Variants in UNKL observed in about 807,000 individuals in gnomAD.
UNKL encodes the protein putative E3 ubiquitin-protein ligase UNKL.
In UNKL, 60 loss-of-function variants were observed where a neutral mutation model predicts 78.0. The ratio of observed to expected loss-of-function variants is 0.77; its 90% CI spans 0.63 to 0.95. The LOEUF is 0.95. Ranked by LOEUF, UNKL falls within the 40% of genes least tolerant of loss-of-function variation. The pLI, the probability that UNKL is intolerant of heterozygous loss-of-function variation, is 0.00. For synonymous variants in UNKL, 608 were observed against 474.8 expected, an observed-to-expected ratio of 1.28 and a Z score of -3.65; for missense variants, 1,159 against 1,045.7, an observed-to-expected ratio of 1.11 and a Z score of -1.49.
intron 6 of UNKL, among the ~76,000 whole-genome samples, chr16:1,394,930 T>C (rs919616094): frequency 3.3e-5 from 5 of 152,190 alleles, no homozygotes; most frequent in African/African-American, 1.2e-4. Flanking sequence ...CAGGCTGGAG[T>C]GCAGTCGCAA....
chr16:1,401,671 G>GCCCAGCTGCAAGGC lies in UNKL; in HGVS notation c.494_495insGCCTTGCAGCTGGG (p.Asn165LysfsTer28). 1 of 1,611,626 alleles carries GCCCAGCTGCAAGGC rather than the reference G, an allele frequency of 6.2e-7. No homozygotes were observed. The highest frequency in any genetic ancestry group is 1.1e-5 in the South Asian group (1 of 90,980). On this transcript the variant is annotated frameshift_variant, in exon 4 of 15. Transcript: ENST00000389221. LOFTEE classifies it high-confidence loss of function. The stretch of plus-strand genomic sequence containing the variant: ...CCCCTTCCCCGCCGCCCAGCTGGCC[G>GCCCAGCTGCAAGGC]TTCTGCAAGGCTTCCTGGGCCTGCA...
At chr16:1,380,812 T>C (rs2036578818) in intron 10 of UNKL, among the ~76,000 whole-genome samples, 1 of 151,898 alleles carries the variant, frequency 6.6e-6, no homozygotes, top group Non-Finnish European at 1.5e-5. Flanking sequence ...GTAGCTGGGA[T>C]TACAGGAGCA....
chr16:1,406,399 G>A (rs1297531332), intron 2 of UNKL, among the ~76,000 whole-genome samples: 4 of 152,060 alleles, frequency 2.6e-5, no homozygotes, highest in Non-Finnish European at 5.9e-5. Context: ...ATTTAGTAGA[G>A]ACAGGGTTTC....
chr16:1,367,483 G>GCCCCC, intron 13 of UNKL, 134 bp from the exon 14 acceptor site: 4 of 568,654 alleles, frequency 7.0e-6, no homozygotes, highest in Middle Eastern at 4.7e-4. Flanking sequence ...GACCCCTGCG[G>GCCCCC]CCCTCCCTCC....
intron 10 of UNKL, among the ~76,000 whole-genome samples, chr16:1,381,897 T>C (rs1286824844): frequency 1.3e-5 from 2 of 152,182 alleles, no homozygotes; most frequent in African/African-American, 2.4e-5. Context: ...GCGAGCTGAC[T>C]GTACCACTGC....
rs759980308 is a variant in UNKL, at chr16:1,364,442, C to G, written c.*1798G>C. 6.6e-6 allele frequency: 1 copy of G among 152,220 alleles called. No individual in the cohort carries two copies. Among genetic ancestry groups the G allele is most frequent in the Non-Finnish European group, 1.5e-5 (1 of 68,046 alleles). 9.4% of individuals were successfully genotyped at this position (152,220 alleles called of 1,614,324 possible). On this transcript the variant is annotated 3_prime_UTR_variant, in exon 15 of 15. Coordinates refer to ENST00000389221, the MANE Select transcript of UNKL (RefSeq NM_001372107.1). ...CGGTCGGGGAGAAACACGTCGGTGC[C>G]GCTTCCCACTCGTGTGCCCTCACCA... is the stretch of plus-strand genomic sequence containing the variant.
rs940120116 is a variant in UNKL at position 1,379,795 on chromosome 16, C to T, written c.1264+5413G>A. 2.5e-4 allele frequency: 192 copies of T among 770,700 alleles called. No homozygotes were observed. In the African/African-American group the frequency reaches 3.5e-3, roughly 14 times the overall value. 47.7% of individuals were successfully genotyped at this position (770,700 alleles called of 1,614,324 possible). The stretch of plus-strand genomic sequence containing the variant: ...CGCTGCCCTCCCCCAACCTTCCCCC[C>T]GACTCGGGCGCACCCGGTCCCCGCG... On this transcript the variant is annotated intron_variant, in intron 10 of 14. Transcript: ENST00000389221.
intron 11 of UNKL, 107 bp downstream of exon 11, chr16:1,371,412 C>A: frequency 9.2e-7 from 1 of 1,087,256 alleles, no homozygotes; most frequent in Non-Finnish European, 1.3e-6. Flanking sequence ...GGTGCAACCT[C>A]AGCTCACTGC....
At chr16:1,393,712 A>G (rs1435425666) in intron 7 of UNKL, among the ~76,000 whole-genome samples, 2 of 151,622 alleles carry the variant, frequency 1.3e-5, no homozygotes, top group East Asian at 3.8e-4. Flanking sequence ...TCTCTCCACA[A>G]GGGAGGTGGT....
At chr16:1,413,782 C>A (rs533941442) in intron 2 of UNKL, 64 bp downstream of exon 2, 2 of 1,458,002 alleles carry the variant, frequency 1.4e-6, no homozygotes, top group South Asian at 1.4e-5. Flanking sequence ...GGGTCCCGGC[C>A]GCATCCCCGG....
chr16:1,369,483 C>T (rs2035604235), intron 12 of UNKL, among the ~76,000 whole-genome samples: 1 of 152,142 alleles, frequency 6.6e-6, no homozygotes, highest in African/African-American at 2.4e-5. Context: ...AATTCTCCTG[C>T]CTCAGCCTCC....
At chr16:1,392,767 A>C in intron 8 of UNKL, 124 bp downstream of exon 8, 1 of 1,158,474 alleles carries the variant, frequency 8.6e-7, no homozygotes, top group Non-Finnish European at 1.2e-6. Flanking sequence ...CTCTTCTAGA[A>C]GAGCCACGAA....
At chr16:1,366,941 G>A (rs2035317353) in intron 14 of UNKL, 151 bp downstream of exon 14, 2 of 1,394,252 alleles carry the variant, frequency 1.4e-6, no homozygotes, top group Non-Finnish European at 1.9e-6. Context: ...GGGCTGTGCT[G>A]GGGTGGGGCA....
chr16:1,393,206 G>A lies in UNKL; in HGVS notation c.938-230C>T, dbSNP rs1160436561. Among the ~76,000 whole-genome samples the A allele has an allele frequency of 5.3e-5, 8 of 152,208 alleles. 1 individual carries two copies. The highest frequency in any genetic ancestry group is 2.1e-4 in the South Asian group (1 of 4,834). On this transcript the variant is annotated intron_variant, in intron 7 of 14. Transcript: ENST00000389221. ...TAACACTAAAAGCAATGTTTAAAAC[G>A]TGAACAAGAATAGCTGCCCTCCCCA...
In UNKL at chr16:1,397,117, C is replaced by A. The variant is rs1412751563; in HGVS notation, c.852+61G>T. The A allele has an allele frequency of 1.2e-5, 18 of 1,491,818 alleles. No homozygotes were observed. In the East Asian group the frequency reaches 4.4e-4, roughly 37 times the overall value. 92.4% of individuals were successfully genotyped at this position (1,491,818 alleles called of 1,614,324 possible). A position where few individuals can be genotyped will look rare whatever the true frequency, so the allele number is the denominator to read the frequency against. On this transcript the variant is annotated intron_variant, in intron 6 of 14. Transcript: ENST00000389221. The stretch of plus-strand genomic sequence containing the variant: ...TTCTGTGTGATAACCACGCTGTGAA[C>A]CCCACAGCTTCTCTGGGACCTTCCA...
rs752095492 is a variant in UNKL at position 1,414,627 on chromosome 16, G to A, written c.65C>T (p.Pro22Leu). 1 of 1,110,298 alleles carries A rather than the reference G, an allele frequency of 9.0e-7. No homozygotes were observed. The highest frequency in any genetic ancestry group is 1.1e-6 in the Non-Finnish European group (1 of 902,118). The allele number at this position is 1,110,298 out of a possible 1,614,324, so 68.8% of individuals were successfully genotyped here. A position where few individuals can be genotyped will look rare whatever the true frequency, so the allele number is the denominator to read the frequency against. The change falls in exon 1 of 15, where the codon CCG (proline) becomes CTG (leucine). Residue 22 changes from proline to leucine, a missense_variant. Coordinates refer to ENST00000389221, the MANE Select transcript of UNKL (RefSeq NM_001372107.1). ...LSGSPPQTEK[P>L]THYRYLKEFR... Reference sequence around the variant, plus strand: ...GACGGGCGCTGACCTGTAGTGGGTCGGCTTCTCAGTCTGCGGGGGGGACCC... The same window carrying A: ...GACGGGCGCTGACCTGTAGTGGGTCAGCTTCTCAGTCTGCGGGGGGGACCC...
At position 1,399,502 on chromosome 16, in the gene UNKL, G is replaced by A. The variant is rs771097607; in HGVS notation, c.606C>T (p.Asn202=). The change falls in exon 5 of 15, where the codon AAC becomes AAT. Residue 202 remains asparagine (N), a synonymous_variant. Transcript: ENST00000389221. The surrounding 1 kb of genome is among the most constrained non-coding windows in gnomAD (Gnocchi z 5.8). ...LSEDPRWQDA[N]FVLGSYKTEQ... is the part of the protein sequence containing the mutation. The stretch of plus-strand genomic sequence containing the variant: ...CCGTCTTGTAGCTGCCCAGCACGAA[G>A]TTGGCATCTGAAAAATGGGCCACAC... 2.5e-6 allele frequency: 4 copies of A among 1,596,752 alleles called. No homozygotes were observed. The highest frequency in any genetic ancestry group is 3.4e-6 in the Non-Finnish European group (4 of 1,172,622).
intron 6 of UNKL, among the ~76,000 whole-genome samples, chr16:1,396,549 TAC>T (rs1413492982): frequency 1.3e-5 from 2 of 152,102 alleles, no homozygotes. Flanking sequence ...GTGCTGAGAT[TAC>T]AGTGTGAGCC....
At chr16:1,383,876 C>T (rs1400118376) in intron 10 of UNKL, 2 of 414,748 alleles carry the variant, frequency 4.8e-6, no homozygotes, top group African/African-American at 2.0e-5. Context: ...ATGCCCAGCT[C>T]CCCCGCCACA....
Sources: gnomAD v4.1 joint callset for allele counts (sites outside exome capture counted in the v4.1 genomes callset) on GRCh38, gnomAD v4.1.1 for gene constraint, Gnocchi (gnomAD v3.1) non-coding constraint, MANE v1.5 for transcripts, NCBI Gene and HGNC (gene_info 2026-07-23, HGNC 2026-07-21) for gene names.